The following DNAH14 variants were observed in gnomAD, a reference collection of about 807,000 sequenced individuals.
The protein encoded by DNAH14 is axonemal beta dynein heavy chain 14.
In DNAH14, 478 loss-of-function variants were observed where a neutral mutation model predicts 520.9. The observed-to-expected ratio is 0.92, with a 90% confidence interval of 0.85 to 0.99. The LOEUF (loss-of-function observed/expected upper bound fraction) is 0.99, where lower values mean the gene tolerates loss of function less well. Ranked by LOEUF, DNAH14 falls within the 50% of genes least tolerant of loss-of-function variation. The probability of loss-of-function intolerance (pLI) is 0.00; values close to 1 mark genes in which losing one functional copy is unlikely to be tolerated. For synonymous variants in DNAH14, 1,581 were observed against 1,757.2 expected (o/e 0.90, Z 2.51); for missense variants, 4,831 against 5,234.5 (o/e 0.92, Z 2.38).
At chr1:225,185,110 TAA>T (rs561869101) in intron 36 of DNAH14, among the ~76,000 whole-genome samples, 179 bp from the exon 37 acceptor site, 1 of 144,430 alleles carries the variant, frequency 6.9e-6, no homozygotes. Flanking sequence ...AAAATCAATG[TAA>T]AAAAAAAAAA....
chr1:225,039,483 T>G (rs2067253119), intron 12 of DNAH14, among the ~76,000 whole-genome samples: 2 of 152,288 alleles, frequency 1.3e-5, no homozygotes, highest in African/African-American at 4.8e-5. Flanking sequence ...TGTTATGTTT[T>G]GATTTATTTT....
intron 17 of DNAH14, among the ~76,000 whole-genome samples, chr1:225,075,050 C>T (rs1366655354): frequency 6.6e-6 from 1 of 152,182 alleles, no homozygotes; most frequent in Non-Finnish European, 1.5e-5. Context: ...TCTAAAGCTC[C>T]TGGGTTTCTG....
In DNAH14 at chr1:225,119,227, C is replaced by G; in HGVS notation, c.4099C>G (p.Arg1367Gly). Reference sequence around the variant, plus strand: ...TTTTGAAACTAATTTTAGGAAAATTCGTGTAAGAAGTGCTGTAGAACAGTG... The same window carrying G: ...TTTTGAAACTAATTTTAGGAAAATTGGTGTAAGAAGTGCTGTAGAACAGTG... The part of the protein sequence containing the change: ...GEGLVLPKKI[R>G]VRSAVEQWLV... The change falls in exon 26 of 86, where the codon CGT becomes GGT. Residue 1367 changes from arginine to glycine, a missense_variant. By Grantham distance (125) the Arg-to-Gly change is moderately radical (BLOSUM62 -2). Coordinates refer to ENST00000682510, the MANE Select transcript of DNAH14 (RefSeq NM_001367479.1). 1 of 1,512,640 alleles carries G rather than the reference C, an allele frequency of 6.6e-7. No homozygotes were observed. The highest frequency in any genetic ancestry group is 2.5e-5 in the East Asian group (1 of 39,778). The allele number at this position is 1,512,640 out of a possible 1,614,324, so 93.7% of individuals were successfully genotyped here. A position where few individuals can be genotyped will look rare whatever the true frequency, so the allele number is the denominator to read the frequency against.
At chr1:225,027,692 A>G (rs1292579950) in intron 11 of DNAH14, among the ~76,000 whole-genome samples, 1 of 152,068 alleles carries the variant, frequency 6.6e-6, no homozygotes, top group Non-Finnish European at 1.5e-5. Flanking sequence ...TATCATGAAA[A>G]CAGCACAGAG....
chr1:225,370,326 C>T (rs142731744), intron 77 of DNAH14, among the ~76,000 whole-genome samples: 125 of 151,122 alleles, frequency 8.3e-4, no homozygotes, highest in African/African-American at 2.9e-3. Context: ...GAAATCACAG[C>T]CTGTGCAATA....
chr1:225,324,416 A>G (rs778286684), intron 63 of DNAH14, 63 bp downstream of exon 63: 42 of 1,522,622 alleles, frequency 2.8e-5, no homozygotes, highest in Non-Finnish European at 2.9e-5. Flanking sequence ...TCCCAGAAAT[A>G]ATTTTTATTT....
At chr1:225,356,218 G>A (rs2150510980) in intron 73 of DNAH14, among the ~76,000 whole-genome samples, 1 of 152,270 alleles carries the variant, frequency 6.6e-6, no homozygotes, top group Non-Finnish European at 1.5e-5. Context: ...TTTGAGCCAA[G>A]ATTTGAAAAT....
intron 65 of DNAH14, 23 bp downstream of exon 65, chr1:225,331,600 A>T (rs190841330): frequency 1.3e-6 from 2 of 1,550,942 alleles, no homozygotes; most frequent in Non-Finnish European, 1.7e-6. Context: ...TTGGTCTTAT[A>T]TCTCGTCCAT....
chr1:225,289,891 A>C lies in DNAH14; in HGVS notation c.8278A>C (p.Ile2760Leu), dbSNP rs371563812. 202 of 1,410,198 alleles carry C rather than the reference A, an allele frequency of 1.4e-4. 1 individual carries two copies. The African/African-American group carries it at 2.6e-3, about 18-fold the overall frequency. The allele number at this position is 1,410,198 out of a possible 1,614,324, so 87.4% of individuals were successfully genotyped here. The change falls in exon 55 of 86, where the codon ATA (isoleucine) becomes CTA (leucine). Residue 2760 changes from isoleucine to leucine, a missense_variant. Ile to Leu is a conservative substitution (Grantham distance 5). Transcript: ENST00000682510. The stretch of plus-strand genomic sequence containing the variant: ...TATTTCTTTTCTCCCAAAGATTGGA[A>C]TAGATGGATGTGGGAAAAAAACATG... ...QPGSHMLLIGIDGCGKKTCAT... is the reference protein window; with the variant it reads ...QPGSHMLLIGLDGCGKKTCAT...
At chr1:225,283,137 C>A in intron 54 of DNAH14, among the ~76,000 whole-genome samples, 1 of 150,188 alleles carries the variant, frequency 6.7e-6, no homozygotes. Flanking sequence ...AATGGAGAAA[C>A]AAAGGGAAAA....
At chr1:225,199,153 A>G (rs939254047) in intron 38 of DNAH14, among the ~76,000 whole-genome samples, 1 of 152,160 alleles carries the variant, frequency 6.6e-6, no homozygotes, top group Admixed American at 6.6e-5. Context: ...GTAACCTTAA[A>G]TGATCTTTTG....
chr1:225,381,647 G>A (rs2095785099), intron 81 of DNAH14, 68 bp downstream of exon 81: 20 of 1,235,496 alleles, frequency 1.6e-5, no homozygotes, highest in East Asian at 2.6e-5. Context: ...CAAGGGAATG[G>A]TGAAGGTAAA....
intron 75 of DNAH14, among the ~76,000 whole-genome samples, chr1:225,362,431 C>T (rs1228507833): frequency 6.6e-6 from 1 of 151,920 alleles, no homozygotes; most frequent in African/African-American, 2.4e-5. Flanking sequence ...AAAAATTAGC[C>T]GGGCGTGGTG....
intron 50 of DNAH14, among the ~76,000 whole-genome samples, chr1:225,271,306 G>C (rs900584941): frequency 3.3e-5 from 5 of 152,012 alleles, no homozygotes; most frequent in Non-Finnish European, 7.4e-5. Flanking sequence ...TTTTTTTCAG[G>C]TGCGAACTAT....
In DNAH14 at chr1:225,145,324, A is replaced by C. The variant is rs1559096573; in HGVS notation, c.4741-2A>C. 2 of 1,543,156 alleles carry C rather than the reference A, an allele frequency of 1.3e-6. No homozygotes were observed. The highest frequency in any genetic ancestry group is 1.2e-5 in the South Asian group (1 of 81,528). ...AGATACTAAAATATTTTTGTTTCCC[A>C]GTCCTTAGGCAAACATTGTGTGGTC... On this transcript the variant is annotated splice_acceptor_variant, in intron 29 of 85. Coordinates refer to ENST00000682510, the MANE Select transcript of DNAH14 (RefSeq NM_001367479.1). LOFTEE classifies it high-confidence loss of function.
At chr1:225,056,296 G>C (rs1202219636) in intron 17 of DNAH14, among the ~76,000 whole-genome samples, 1 of 152,188 alleles carries the variant, frequency 6.6e-6, no homozygotes, top group African/African-American at 2.4e-5. Flanking sequence ...GTGATGATGA[G>C]CATTTTTTCA....
chr1:225,290,620 T>G (rs2093847408), intron 55 of DNAH14, among the ~76,000 whole-genome samples: 1 of 138,836 alleles, frequency 7.2e-6, no homozygotes, highest in African/African-American at 2.6e-5. Context: ...TGTATGTGTG[T>G]GTATAGATAT....
chr1:225,203,698 G>T (rs2087160547), intron 38 of DNAH14, among the ~76,000 whole-genome samples: 1 of 152,156 alleles, frequency 6.6e-6, no homozygotes, highest in South Asian at 2.1e-4. Flanking sequence ...TTCATTAAAA[G>T]TGAAAAATTC....
chr1:225,163,052 C>T lies in DNAH14; in HGVS notation c.5445+3567C>T, dbSNP rs6682189. On this transcript the variant is annotated intron_variant, in intron 35 of 85. Coordinates refer to ENST00000682510, the MANE Select transcript of DNAH14 (RefSeq NM_001367479.1). ...ACTGGGGAGGATGAGGTGGGAGAAT[C>T]GCTTGAACCTGGGAGACAGAGGTTG... 2.9e-3 allele frequency among the ~76,000 whole-genome samples: 416 copies of T among 145,488 alleles called. 3 individuals carry two copies. Among genetic ancestry groups the T allele is most frequent in the African/African-American group, 9.8e-3 (386 of 39,200 alleles).
Sources: allele counts gnomAD v4.1 joint callset (sites outside exome capture counted in the v4.1 genomes callset), GRCh38; gene constraint gnomAD v4.1.1; transcripts MANE v1.5; gene names NCBI Gene and HGNC (gene_info 2026-07-23, HGNC 2026-07-21).